PSTPIP1: variants seen among roughly 807,000 people sequenced by gnomAD.
The protein encoded by PSTPIP1 is proline-serine-threonine phosphatase-interacting protein 1.
PSTPIP1 carries 66 observed loss-of-function variants against 69.6 expected under a neutral mutation model. The ratio of observed to expected loss-of-function variants is 0.95; its 90% CI spans 0.78 to 1.16. PSTPIP1 has a LOEUF of 1.16. Among genes scored for constraint, PSTPIP1 ranks in the 50% most tolerant of loss-of-function variants. The pLI is 0.00. For synonymous variants in PSTPIP1, 266 were observed against 222.7 expected, an observed-to-expected ratio of 1.19 and a Z score of -1.73; for missense variants, 603 against 557.4, an observed-to-expected ratio of 1.08 and a Z score of -0.82.
intron 1 of PSTPIP1, among the ~76,000 whole-genome samples, chr15:77,017,109 C>T (rs1403468019): frequency 1.3e-5 from 2 of 152,156 alleles, no homozygotes; most frequent in South Asian, 2.1e-4. Context: ...CTCCCCAGCA[C>T]CTCTCAAGCT....
chr15:77,025,561 G>A lies in PSTPIP1; in HGVS notation c.311G>A (p.Ser104Asn). 2 of 1,553,404 alleles carry A rather than the reference G, an allele frequency of 1.3e-6. No homozygotes were observed. Among genetic ancestry groups the A allele is most frequent in the Non-Finnish European group, 1.7e-6 (2 of 1,147,920 alleles). ...LALTLREELR[S>N]LEEFRERQKE... ...CTGACCCTGCGTGAGGAGCTGCGGA[G>A]TCTCGAGGAGTTTCGTGAGAGGCAG... The change falls in exon 5 of 15, where the codon AGT becomes AAT. Residue 104 changes from serine (S) to asparagine (N), a missense_variant. Transcript: ENST00000558012.
At position 77,028,216 on chromosome 15, in the gene PSTPIP1, C is replaced by A. The variant is rs2076330429; in HGVS notation, c.417+302C>A. On this transcript the variant is annotated intron_variant, in intron 6 of 14. Coordinates refer to ENST00000558012, the MANE Select transcript of PSTPIP1 (RefSeq NM_003978.5). ...GACCCCTGAGCTTGATCCTGCGAGA[C>A]GCTGGACAGGAAGGGAGAGGGGCTC... 3.3e-5 allele frequency: 17 copies of A among 512,628 alleles called. 1 individual carries two copies. In the South Asian group the frequency reaches 3.6e-4, roughly 11 times the overall value. 31.8% of individuals were successfully genotyped at this position (512,628 alleles called of 1,614,324 possible).
chr15:77,027,843 C>A lies in PSTPIP1; in HGVS notation c.355-9C>A. ...CGGCCCTCGGCTCAGAACCTCGTGT[C>A]CCCTGCAGTATGAGGCCGTCATGGA... On this transcript the variant is annotated splice_polypyrimidine_tract_variant and intron_variant, in intron 5 of 14. Transcript: ENST00000558012. The surrounding 1 kb of genome is among the most constrained non-coding windows in gnomAD (Gnocchi z 4.3). 3.2e-6 allele frequency: 5 copies of A among 1,562,838 alleles called. No individual in the cohort carries two copies. The highest frequency in any genetic ancestry group is 1.2e-5 in the South Asian group (1 of 84,676).
rs1596139205 is a variant in PSTPIP1, at chr15:77,035,511, C to G, written c.933C>G (p.Phe311Leu). Residue 311 changes from phenylalanine (F) to leucine (L), a missense_variant, in exon 13 of 15, where the codon TTC becomes TTG. Coordinates refer to ENST00000558012, the MANE Select transcript of PSTPIP1 (RefSeq NM_003978.5). The part of the protein sequence containing the change: ...IQPSCGMIKR[F>L]SGLLHGSPKT... The stretch of plus-strand genomic sequence containing the variant: ...CCTCTTTCCTCCCTGTTCCCAGGTT[C>G]TCTGGACTGCTGCACGGAAGTCCCA... 1 of 1,590,596 alleles carries G rather than the reference C, an allele frequency of 6.3e-7. No individual in the cohort carries two copies. Among genetic ancestry groups the G allele is most frequent in the East Asian group, 2.3e-5 (1 of 43,738 alleles).
chr15:77,019,305 C>T (rs1388566547), intron 3 of PSTPIP1, among the ~76,000 whole-genome samples: 3 of 152,152 alleles, frequency 2.0e-5, no homozygotes, highest in Non-Finnish European at 1.5e-5. Context: ...AAGGGGCAGA[C>T]AGACCACCGG....
At chr15:77,031,539 C>G (rs1013230164) in intron 10 of PSTPIP1, 3 of 366,720 alleles carry the variant, frequency 8.2e-6, no homozygotes, top group Non-Finnish European at 1.6e-5. Flanking sequence ...CTCAGAGCCA[C>G]AGAGCACCTG....
Position 77,027,908 on chromosome 15 carries a change from C to A in PSTPIP1, c.411C>A (p.Ala137=), listed in dbSNP as rs368114895. 6.4e-6 allele frequency: 10 copies of A among 1,561,002 alleles called. No individual in the cohort carries two copies. In the African/African-American group the frequency reaches 1.4e-4, roughly 21 times the overall value. Residue 137 remains alanine, a synonymous_variant, in exon 6 of 15, where the codon GCC becomes GCA. Transcript: ENST00000558012. The surrounding 1 kb of genome is among the most constrained non-coding windows in gnomAD (Gnocchi z 4.3). ...GCAAGCTGTCGCTCTACAAGAAGGC[C>A]ATGGAGGTGAGCGCCAGGGCCTGGG... The part of the protein sequence containing the change: ...QKSKLSLYKK[A]MESKKTYEQK...
At chr15:77,019,348 C>T (rs1196719105) in intron 3 of PSTPIP1, among the ~76,000 whole-genome samples, 2 of 152,212 alleles carry the variant, frequency 1.3e-5, no homozygotes, top group Admixed American at 6.5e-5. Context: ...CTGCAGAGTC[C>T]TCCTGCCGAG....
chr15:77,025,247 C>T, intron 3 of PSTPIP1, 37 bp from the exon 4 acceptor site: 1 of 1,586,740 alleles, frequency 6.3e-7, no homozygotes, highest in Non-Finnish European at 8.7e-7. Context: ...TCCCGCTGTG[C>T]TCTCCTCCTC....
At chr15:76,999,193 C>T (rs2152662427) in intron 1 of PSTPIP1, among the ~76,000 whole-genome samples, 1 of 152,238 alleles carries the variant, frequency 6.6e-6, no homozygotes, top group Middle Eastern at 3.4e-3. Context: ...GGGGTACTGG[C>T]TGAGGACGTG....
At chr15:77,018,607 C>T in intron 3 of PSTPIP1, 76 bp downstream of exon 3, 4 of 1,409,918 alleles carry the variant, frequency 2.8e-6, no homozygotes, top group Non-Finnish European at 3.8e-6. Context: ...AGGTTTAGGT[C>T]TTCCTGGCAT....
rs1008352199 is a variant in PSTPIP1, at chr15:77,031,032, G to T, written c.643-148G>T. The T allele has an allele frequency of 6.9e-6, 5 of 729,370 alleles. No individual in the cohort carries two copies. The East Asian group carries it at 1.4e-4, about 20-fold the overall frequency. 45.2% of individuals were successfully genotyped at this position (729,370 alleles called of 1,614,324 possible). A position where few individuals can be genotyped will look rare whatever the true frequency, so the allele number is the denominator to read the frequency against. ...CTCAGGGCTGGCCCGGAGTCGGGAT[G>T]GGGACCCCAGGGCACTCTCTCCTTT... On this transcript the variant is annotated intron_variant, in intron 9 of 14. Transcript: ENST00000558012.
intron 3 of PSTPIP1, among the ~76,000 whole-genome samples, chr15:77,024,835 C>G (rs796082999): frequency 6.6e-6 from 1 of 151,852 alleles, no homozygotes; most frequent in Non-Finnish European, 1.5e-5. Context: ...CTCCAAACAT[C>G]CCCCGGGCCA....
At chr15:77,013,998 C>T (rs768651472) in intron 1 of PSTPIP1, among the ~76,000 whole-genome samples, 19 of 152,040 alleles carry the variant, frequency 1.2e-4, no homozygotes, top group Non-Finnish European at 2.6e-4. Flanking sequence ...TGTTTCTGGT[C>T]GGGGAGGTGG....
At chr15:76,996,178 C>A (rs879903166) in intron 1 of PSTPIP1, among the ~76,000 whole-genome samples, 1 of 152,198 alleles carries the variant, frequency 6.6e-6, no homozygotes, top group Non-Finnish European at 1.5e-5. Flanking sequence ...CCCTTGCAGA[C>A]CTTAGGGGTC....
At chr15:77,000,490 C>CAT (rs1568482045) in intron 1 of PSTPIP1, among the ~76,000 whole-genome samples, 1 of 148,622 alleles carries the variant, frequency 6.7e-6, no homozygotes, top group African/African-American at 2.6e-5. Flanking sequence ...CACACACACA[C>CAT]ACACACACAC....
intron 12 of PSTPIP1, 56 bp downstream of exon 12, chr15:77,033,008 G>A: frequency 2.0e-6 from 3 of 1,513,620 alleles, no homozygotes; most frequent in Non-Finnish European, 2.7e-6. Context: ...AGTGGGTCGA[G>A]CCCCTCCTCT....
chr15:77,020,773 A>T (rs1267990281), intron 3 of PSTPIP1, among the ~76,000 whole-genome samples: 1 of 151,872 alleles, frequency 6.6e-6, no homozygotes, highest in Non-Finnish European at 1.5e-5. Context: ...GTCTTGGCTT[A>T]GACCCAATTA....
At chr15:77,036,995 C>T (rs771610063) in intron 14 of PSTPIP1, 50 bp from the exon 15 acceptor site, 1 of 1,577,832 alleles carries the variant, frequency 6.3e-7, no homozygotes, top group South Asian at 1.1e-5. Flanking sequence ...CCCTGCAGGC[C>T]CTTCCCTGCA....
Sources: allele counts gnomAD v4.1 joint callset (sites outside exome capture counted in the v4.1 genomes callset), GRCh38; gene constraint gnomAD v4.1.1; non-coding constraint Gnocchi (gnomAD v3.1); transcripts MANE v1.5; gene names NCBI Gene and HGNC (gene_info 2026-07-23, HGNC 2026-07-21).